The following HOXD3 variants were observed in gnomAD, a reference collection of about 807,000 sequenced individuals.
The protein encoded by HOXD3 is homeobox D3, also known as homeobox protein Hox-D3.
HOXD3 carries 13 observed loss-of-function variants against 32.8 expected under a neutral mutation model. That is an observed-to-expected ratio of 0.40 (90% CI 0.26 to 0.63). The LOEUF is 0.63. Ranked by LOEUF, HOXD3 falls within the 20% of genes least tolerant of loss-of-function variation. The pLI is 0.44. For synonymous variants in HOXD3, 241 were observed against 246.8 expected, an observed-to-expected ratio of 0.98 and a Z score of 0.22; for missense variants, 504 against 577.1, an observed-to-expected ratio of 0.87 and a Z score of 1.30.
chr2:176,162,352 G>C (rs945741171), intron 1 of HOXD3, among the ~76,000 whole-genome samples: 2 of 152,310 alleles, frequency 1.3e-5, no homozygotes, highest in South Asian at 2.1e-4. Flanking sequence ...CTCCACGCTG[G>C]CCCTATCCTA....
Position 176,163,022 on chromosome 2 carries a change from G to C in HOXD3, c.-180-1051G>C, listed in dbSNP as rs539919499. ...TCCCGGCCCAGCCAAGAGCGCTTGGGGGAGGGGGGCGGGCAAGTGGCTTTT... is the reference window on the plus strand; with the variant it reads ...TCCCGGCCCAGCCAAGAGCGCTTGGCGGAGGGGGGCGGGCAAGTGGCTTTT... On this transcript the variant is annotated intron_variant, in intron 1 of 3. Transcript: ENST00000683222. Among the ~76,000 whole-genome samples, 373 of 152,266 alleles carry C rather than the reference G, an allele frequency of 2.4e-3. 4 individuals are homozygous for C. Among genetic ancestry groups the C allele is most frequent in the African/African-American group, 8.0e-3 (332 of 41,552 alleles).
At chr2:176,163,833 C>T (rs914142151) in intron 1 of HOXD3, among the ~76,000 whole-genome samples, 2 of 152,164 alleles carry the variant, frequency 1.3e-5, no homozygotes, top group African/African-American at 4.8e-5. Context: ...TGGCGCTTCC[C>T]TCACGTCCGG....
At chr2:176,158,393 C>T (rs984017329) in intron 1 of HOXD3, among the ~76,000 whole-genome samples, 4 of 152,196 alleles carry the variant, frequency 2.6e-5, no homozygotes, top group African/African-American at 9.6e-5. Flanking sequence ...ACCCCATCCC[C>T]AGCTTGCCAG....
intron 3 of HOXD3, among the ~76,000 whole-genome samples, chr2:176,170,897 G>GT (rs11437853): frequency 0.5 from 75,674 of 150,526 alleles, 20,475 homozygotes; most frequent in East Asian, 0.73. Flanking sequence ...CCCAGGCAGT[G>GT]TTTTTTTTTG....
At chr2:176,152,776 G>A, upstream of HOXD3, 1 of 1,614,200 alleles carries the variant, frequency 6.2e-7, no homozygotes, top group Non-Finnish European at 8.5e-7. This position sits in a 1 kb window ranked among gnomAD's most constrained non-coding sequence, Gnocchi z 5.2. Context: ...ATCAAGATCT[G>A]GTTCCAGAAC....
In HOXD3 at chr2:176,158,268, G is replaced by A. The variant is rs369954317; in HGVS notation, c.-181+816G>A. 5.3e-5 allele frequency among the ~76,000 whole-genome samples: 8 copies of A among 152,350 alleles called. No individual in the cohort carries two copies. The East Asian group carries it at 1.2e-3, about 22-fold the overall frequency. On this transcript the variant is annotated intron_variant, in intron 1 of 3. Transcript: ENST00000683222. Reference sequence around the variant, plus strand: ...GGGAAGCCTGGGGAAAGGAGGATGGGGGAGAGGCCAGTGCGGGCTGCAGAA... The same window carrying A: ...GGGAAGCCTGGGGAAAGGAGGATGGAGGAGAGGCCAGTGCGGGCTGCAGAA...
intron 3 of HOXD3, among the ~76,000 whole-genome samples, chr2:176,170,974 G>A (rs776675799): frequency 1.1e-4 from 16 of 151,908 alleles, no homozygotes; most frequent in Non-Finnish European, 1.8e-4. Context: ...GGCTTTGAGT[G>A]CAGTTGGGCT....
chr2:176,155,619 G>T (rs905903108), upstream of HOXD3, among the ~76,000 whole-genome samples: 1 of 152,214 alleles, frequency 6.6e-6, no homozygotes, highest in Non-Finnish European at 1.5e-5. Flanking sequence ...GCCAGGGAAG[G>T]GGTAGGGCCC....
intron 1 of HOXD3, among the ~76,000 whole-genome samples, chr2:176,158,056 G>T (rs1690686957): frequency 6.6e-6 from 1 of 152,220 alleles, no homozygotes; most frequent in Non-Finnish European, 1.5e-5. Context: ...AACAGATAAT[G>T]ATTTCCGAGT....
upstream of HOXD3, among the ~76,000 whole-genome samples, chr2:176,156,555 T>C (rs1002207537): frequency 2.0e-5 from 3 of 152,114 alleles, no homozygotes; most frequent in Non-Finnish European, 2.9e-5. Context: ...CCTGGGTGGC[T>C]GCTCTGACCT....
intron 1 of HOXD3, among the ~76,000 whole-genome samples, chr2:176,159,188 C>G (rs1329930350): frequency 1.4e-5 from 2 of 144,086 alleles, no homozygotes; most frequent in East Asian, 4.6e-4. Flanking sequence ...TGCTGCTGGC[C>G]GTCAGGTCGG....
At chr2:176,153,087 G>T, upstream of HOXD3, 1 of 520,006 alleles carries the variant, frequency 1.9e-6, no homozygotes, top group South Asian at 1.8e-5. Context: ...GACTAGGTTA[G>T]CATCCTGCCC....
At chr2:176,153,141 G>A (rs1472785986), upstream of HOXD3, 3 of 514,872 alleles carry the variant, frequency 5.8e-6, 1 homozygote, top group African/African-American at 5.8e-5. Context: ...TGGGAGGGGG[G>A]GCGGGATTCT....
At chr2:176,164,524 C>T (rs1448130612) in intron 2 of HOXD3, 1 of 152,166 alleles carries the variant, frequency 6.6e-6, no homozygotes, top group Non-Finnish European at 1.5e-5. Context: ...TTCGAGCAAA[C>T]CCAAAAACCA....
At chr2:176,158,958 C>T (rs1245774496) in intron 1 of HOXD3, among the ~76,000 whole-genome samples, 1 of 152,074 alleles carries the variant, frequency 6.6e-6, no homozygotes. Flanking sequence ...GGGCACTGGC[C>T]CGGGCTATTT....
chr2:176,172,180 G>T lies in HOXD3; in HGVS notation c.1205G>T (p.Gly402Val). 3 of 1,612,976 alleles carry T rather than the reference G, an allele frequency of 1.9e-6. No homozygotes were observed. The highest frequency in any genetic ancestry group is 2.5e-6 in the Non-Finnish European group (3 of 1,179,976). ...CAGATTCCAGGCAACCACCACCATG[G>T]ACCTTGCGACCCTCATCCCACCTAC... ...AAQIPGNHHHGPCDPHPTYTD... is the reference protein window; with the variant it reads ...AAQIPGNHHHVPCDPHPTYTD... The change falls in exon 4 of 4, where the codon GGA (glycine) becomes GTA (valine). Residue 402 changes from glycine to valine, a missense_variant. Transcript: ENST00000683222.
intron 1 of HOXD3, chr2:176,161,225 A>G (rs1022623097): frequency 1.3e-5 from 2 of 152,196 alleles, no homozygotes; most frequent in Admixed American, 1.3e-4. Context: ...ACCTAGATAC[A>G]CTGCTACATA....
chr2:176,171,957 C>T lies in HOXD3; in HGVS notation c.982C>T (p.Arg328Cys), dbSNP rs1219622192. ...PLSSCLPQQKRYAAPEFEPHP... is the reference protein window; with the variant it reads ...PLSSCLPQQKCYAAPEFEPHP... ...CAGCAGCTGCCTGCCACAACAGAAG[C>T]GCTACGCAGCGCCGGAGTTCGAGCC... Residue 328 changes from arginine (R) to cysteine (C), a missense_variant, in exon 4 of 4, where the codon CGC (arginine) becomes TGC (cysteine). Arg to Cys is a radical substitution (Grantham distance 180). This residue lies in a region of HOXD3 where 226 missense variants were observed against 246.9 expected (regional missense o/e 0.92). Transcript: ENST00000683222. 2 of 1,610,632 alleles carry T rather than the reference C, an allele frequency of 1.2e-6. No individual in the cohort carries two copies. Among genetic ancestry groups the T allele is most frequent in the Non-Finnish European group, 1.7e-6 (2 of 1,179,402 alleles).
upstream of HOXD3, among the ~76,000 whole-genome samples, chr2:176,155,889 G>T (rs927434587): frequency 6.6e-6 from 1 of 152,050 alleles, no homozygotes; most frequent in Admixed American, 6.5e-5. Context: ...TTTGTCCATC[G>T]CAGCCTTTTG....
Sources: allele counts gnomAD v4.1 joint callset (sites outside exome capture counted in the v4.1 genomes callset), GRCh38; gene constraint gnomAD v4.1.1; regional missense constraint gnomAD v4.1.1; non-coding constraint Gnocchi (gnomAD v3.1); transcripts MANE v1.5; gene names NCBI Gene and HGNC (gene_info 2026-07-23, HGNC 2026-07-21).